The following RGS6 variants were observed in gnomAD, a reference collection of about 807,000 sequenced individuals.
RGS6 encodes the protein regulator of G protein signaling 6, also known as regulator of G-protein signaling 6.
In RGS6, 30 loss-of-function variants were observed where a neutral mutation model predicts 78.5. The ratio of observed to expected loss-of-function variants is 0.38; its 90% CI spans 0.29 to 0.52. The LOEUF is 0.52. Ranked by LOEUF, RGS6 falls within the 20% of genes least tolerant of loss-of-function variation. RGS6 has a pLI of 0.85. For missense variants in RGS6, 495 were observed against 609.7 expected (o/e 0.81, Z 1.98); for synonymous variants, 206 against 206.0 (o/e 1.00, Z 0.00).
At chr14:72,325,573 G>T (rs1305504733) in intron 2 of RGS6, among the ~76,000 whole-genome samples, 1 of 151,992 alleles carries the variant, frequency 6.6e-6, no homozygotes, top group East Asian at 1.9e-4. Flanking sequence ...TCTACATATG[G>T]CTAGCCAGTT....
chr14:72,292,503 G>C (rs1184180764), intron 2 of RGS6, among the ~76,000 whole-genome samples: 2 of 152,220 alleles, frequency 1.3e-5, no homozygotes, highest in African/African-American at 4.8e-5. Flanking sequence ...AGAGGGAAAT[G>C]AGTTGGTCCT....
At chr14:72,260,568 A>G (rs2057975881) in intron 2 of RGS6, among the ~76,000 whole-genome samples, 1 of 152,050 alleles carries the variant, frequency 6.6e-6, no homozygotes. Flanking sequence ...GTATTGGGGA[A>G]TTTTCCCTCC....
intron 12 of RGS6, among the ~76,000 whole-genome samples, chr14:72,487,045 A>G (rs1453492889): frequency 1.3e-5 from 2 of 151,674 alleles, no homozygotes; most frequent in African/African-American, 4.8e-5. Context: ...AAGCTGGGAG[A>G]GCAGTTGAGG....
intron 13 of RGS6, among the ~76,000 whole-genome samples, chr14:72,509,367 G>GAAA (rs574286198): frequency 0.11 from 12,011 of 113,234 alleles, 587 homozygotes; most frequent in South Asian, 0.19. Flanking sequence ...TCCATCTCAA[G>GAAA]AAAAAAAAAA....
chr14:72,442,509 A>AT (rs1460053881), intron 3 of RGS6, among the ~76,000 whole-genome samples: 4 of 152,182 alleles, frequency 2.6e-5, no homozygotes, highest in Non-Finnish European at 5.9e-5. Flanking sequence ...CCCTTGTAAC[A>AT]TTCTGGTGCA....
chr14:72,255,728 A>G (rs183710500), intron 2 of RGS6, among the ~76,000 whole-genome samples: 17 of 152,334 alleles, frequency 1.1e-4, no homozygotes, highest in Non-Finnish European at 2.2e-4. Context: ...TGTTCAAAGA[A>G]AATACCATTT....
At chr14:71,884,195 T>A in the RGS6 span, among the ~76,000 whole-genome samples, 3 of 152,094 alleles carry the variant, frequency 2.0e-5, no homozygotes, top group Non-Finnish European at 2.9e-5. Context: ...TGTTTCCCTA[T>A]CCAAAGAGCT....
chr14:72,033,449 G>A (rs79507404), intron 2 of RGS6, among the ~76,000 whole-genome samples: 7,414 of 151,992 alleles, frequency 0.049, 258 homozygotes, highest in African/African-American at 0.095. Flanking sequence ...TGCCCCAGCT[G>A]GTCTGGAACT....
intron 2 of RGS6, among the ~76,000 whole-genome samples, chr14:72,066,702 C>T (rs992869453): frequency 8.6e-5 from 13 of 150,774 alleles, no homozygotes; most frequent in African/African-American, 3.2e-4. Flanking sequence ...CATTTAAGTA[C>T]TTAATTTACA....
At chr14:71,907,466 A>G in the RGS6 span, among the ~76,000 whole-genome samples, 2 of 152,144 alleles carry the variant, frequency 1.3e-5, no homozygotes, top group South Asian at 2.1e-4. Context: ...TGGAGTAGGA[A>G]GAACCAAGGG....
intron 2 of RGS6, among the ~76,000 whole-genome samples, chr14:72,169,050 A>G (rs1441399543): frequency 6.6e-6 from 1 of 152,126 alleles, no homozygotes; most frequent in African/African-American, 2.4e-5. Context: ...AATCAATATA[A>G]CCAGGCACAG....
chr14:72,422,351 TATCA>T (rs1159729587), intron 3 of RGS6, among the ~76,000 whole-genome samples: 2 of 152,204 alleles, frequency 1.3e-5, no homozygotes, highest in Non-Finnish European at 2.9e-5. Context: ...TATGCTATAA[TATCA>T]ATCAACATAT....
intron 17 of RGS6, among the ~76,000 whole-genome samples, chr14:72,544,175 G>A (rs1035342882): frequency 1.3e-5 from 2 of 152,298 alleles, no homozygotes; most frequent in East Asian, 1.9e-4. Flanking sequence ...AGGAATCGGG[G>A]CCAAGCCACA....
chr14:72,380,906 T>C (rs1415617852), intron 3 of RGS6, among the ~76,000 whole-genome samples: 3 of 152,106 alleles, frequency 2.0e-5, no homozygotes, highest in Non-Finnish European at 4.4e-5. Context: ...AGCCAAGATA[T>C]GGAATCAACC....
At chr14:72,438,956 G>T (rs911017552) in intron 3 of RGS6, among the ~76,000 whole-genome samples, 6 of 152,242 alleles carry the variant, frequency 3.9e-5, no homozygotes, top group Non-Finnish European at 7.3e-5. Flanking sequence ...GATCAAGCTT[G>T]CTTCCTGCCT....
chr14:71,975,613 C>T (rs899524863), intron 2 of RGS6, among the ~76,000 whole-genome samples: 1 of 152,062 alleles, frequency 6.6e-6, no homozygotes, highest in Non-Finnish European at 1.5e-5. Flanking sequence ...TGCGTGCCAC[C>T]ACGCCCAAAT....
chr14:72,405,793 C>G (rs189507488), intron 3 of RGS6, among the ~76,000 whole-genome samples: 1 of 152,266 alleles, frequency 6.6e-6, no homozygotes, highest in African/African-American at 2.4e-5. Flanking sequence ...CTGGCAGGGG[C>G]CTTCTTTGGT....
At chr14:71,900,057 G>A in the RGS6 span, among the ~76,000 whole-genome samples, 7 of 152,144 alleles carry the variant, frequency 4.6e-5, no homozygotes, top group Admixed American at 1.3e-4. Context: ...CCTTTCTTTT[G>A]AGGACATCTT....
the RGS6 span, among the ~76,000 whole-genome samples, chr14:72,623,891 G>C: frequency 6.6e-6 from 1 of 152,106 alleles, no homozygotes; most frequent in East Asian, 1.9e-4. Flanking sequence ...TCCAGGTCTG[G>C]AGCATAAAAT....
Sources: gnomAD v4.1 joint callset for allele counts (sites outside exome capture counted in the v4.1 genomes callset) on GRCh38, gnomAD v4.1.1 for gene constraint, MANE v1.5 for transcripts, NCBI Gene and HGNC (gene_info 2026-07-23, HGNC 2026-07-21) for gene names.